Variants in GMDS observed in about 807,000 individuals in gnomAD.
GMDS encodes the protein GDP-mannose 4,6 dehydratase.
A neutral mutation model predicts 49.9 loss-of-function variants in GMDS; 20 were observed. That is an observed-to-expected ratio of 0.40 (90% CI 0.28 to 0.58). GMDS has a LOEUF of 0.58. GMDS is among the 20% of genes least tolerant of loss of function. The probability of loss-of-function intolerance (pLI) is 0.42; values close to 1 mark genes in which losing one functional copy is unlikely to be tolerated. For missense variants in GMDS, 362 were observed against 481.4 expected, an observed-to-expected ratio of 0.75 and a Z score of 2.32; for synonymous variants, 177 against 178.6, an observed-to-expected ratio of 0.99 and a Z score of 0.07.
intron 1 of GMDS, among the ~76,000 whole-genome samples, chr6:2,229,022 G>A (rs1004968350): frequency 6.6e-6 from 1 of 152,160 alleles, no homozygotes; most frequent in African/African-American, 2.4e-5. Context: ...GGAAAAGCAA[G>A]AGTCCCTGAA....
At position 1,635,103 on chromosome 6, in the gene GMDS, A is replaced by T. The variant is rs1427471389; in HGVS notation, c.988-10563T>A. 4.6e-5 allele frequency among the ~76,000 whole-genome samples: 7 copies of T among 152,232 alleles called. No individual in the cohort carries two copies. Among genetic ancestry groups the T allele is most frequent in the Admixed American group, 1.3e-4 (2 of 15,282 alleles). On this transcript the variant is annotated intron_variant, in intron 9 of 10. Coordinates refer to ENST00000380815, the MANE Select transcript of GMDS (RefSeq NM_001500.4). This position sits in a 1 kb window ranked among gnomAD's most constrained non-coding sequence, Gnocchi z 4.7. ...TCTCCTTTTTCACGATTTCAAGATTAGAGAACAGGGACTCTTCCAAAAGAT... is the reference window on the plus strand; with the variant it reads ...TCTCCTTTTTCACGATTTCAAGATTTGAGAACAGGGACTCTTCCAAAAGAT...
rs74354382 is a variant in GMDS, at chr6:2,179,611, T to C, written c.103-54880A>G. Among the ~76,000 whole-genome samples the C allele has an allele frequency of 4.8e-3, 726 of 152,332 alleles. 5 individuals carry two copies. Among genetic ancestry groups the C allele is most frequent in the African/African-American group, 0.017 (707 of 41,578 alleles). ...CAGCCCTCACCAGACACCAATCCTG[T>C]AGTGCCTTGATCAGACTTCTCAGCC... On this transcript the variant is annotated intron_variant, in intron 1 of 10. Coordinates refer to ENST00000380815, the MANE Select transcript of GMDS (RefSeq NM_001500.4).
At chr6:1,882,303 T>G (rs776040252) in intron 7 of GMDS, among the ~76,000 whole-genome samples, 33 of 152,220 alleles carry the variant, frequency 2.2e-4, no homozygotes, top group Admixed American at 1.6e-3. Flanking sequence ...AATTGGCTTT[T>G]TAAAATGGAT....
chr6:2,013,815 C>T (rs551602305), intron 4 of GMDS, among the ~76,000 whole-genome samples: 23 of 118,840 alleles, frequency 1.9e-4, no homozygotes, highest in African/African-American at 7.0e-4. Context: ...AATGAGAATG[C>T]CAGAAAAAGA....
intron 7 of GMDS, among the ~76,000 whole-genome samples, chr6:1,829,154 C>T (rs994555105): frequency 9.2e-5 from 14 of 152,054 alleles, no homozygotes; most frequent in Admixed American, 3.3e-4. Flanking sequence ...GGGGAGGGGT[C>T]GGTCTTGATG....
chr6:2,158,978 T>C (rs1315828215), intron 1 of GMDS, among the ~76,000 whole-genome samples: 1 of 152,070 alleles, frequency 6.6e-6, no homozygotes, highest in Non-Finnish European at 1.5e-5. Context: ...GAACATTAGG[T>C]TGGGGTTTAG....
At chr6:1,882,806 T>C (rs376592376) in intron 7 of GMDS, among the ~76,000 whole-genome samples, 1 of 152,210 alleles carries the variant, frequency 6.6e-6, no homozygotes, top group African/African-American at 2.4e-5. Flanking sequence ...CAACATGACA[T>C]AATAGAAAAC....
chr6:1,758,270 A>G (rs1166991233), intron 7 of GMDS, among the ~76,000 whole-genome samples: 3 of 152,182 alleles, frequency 2.0e-5, no homozygotes. Flanking sequence ...CATTATCTCC[A>G]CCTCCTGACT....
chr6:2,177,478 CA>C (rs1581754371), intron 1 of GMDS, among the ~76,000 whole-genome samples: 1 of 152,106 alleles, frequency 6.6e-6, no homozygotes, highest in East Asian at 1.9e-4. Flanking sequence ...AGCAGCACAT[CA>C]AAAAGTTTAT....
intron 1 of GMDS, among the ~76,000 whole-genome samples, chr6:2,131,847 A>C (rs762903428): frequency 8.4e-5 from 11 of 130,468 alleles, no homozygotes; most frequent in Non-Finnish European, 1.7e-4. Flanking sequence ...TTGAACCTCT[A>C]TTTTCCTCTC....
At position 1,875,958 on chromosome 6, in the gene GMDS, C is replaced by T. The variant is rs537155131; in HGVS notation, c.771+54145G>A. Among the ~76,000 whole-genome samples, 37 of 148,890 alleles carry T rather than the reference C, an allele frequency of 2.5e-4. 2 individuals carry two copies. The highest frequency in any genetic ancestry group is 1.0e-3 in the South Asian group (5 of 4,778). On this transcript the variant is annotated intron_variant, in intron 7 of 10. Coordinates refer to ENST00000380815, the MANE Select transcript of GMDS (RefSeq NM_001500.4). ...CCTTGAACCCAGAAGGCAGAGGTTG[C>T]GGTGAGCCGAGATCGTGCCATTGCA...
At chr6:1,921,566 C>A (rs1165930768) in intron 7 of GMDS, among the ~76,000 whole-genome samples, 1 of 152,126 alleles carries the variant, frequency 6.6e-6, no homozygotes, top group Non-Finnish European at 1.5e-5. Flanking sequence ...AAATGGCAAG[C>A]TGAATTTGTT....
chr6:1,736,038 A>T (rs1235587507), intron 8 of GMDS, among the ~76,000 whole-genome samples: 1 of 152,134 alleles, frequency 6.6e-6, no homozygotes, highest in African/African-American at 2.4e-5. Context: ...TATTTTGAGG[A>T]TCTAACAGAC....
chr6:2,226,048 T>G (rs898653590), intron 1 of GMDS, among the ~76,000 whole-genome samples: 19 of 151,158 alleles, frequency 1.3e-4, no homozygotes, highest in African/African-American at 4.4e-4. Context: ...GAAAAAACTG[T>G]GAAAAGAAAG....
intron 4 of GMDS, among the ~76,000 whole-genome samples, chr6:1,996,319 T>G (rs1766278206): frequency 6.6e-6 from 1 of 152,110 alleles, no homozygotes; most frequent in South Asian, 2.1e-4. Flanking sequence ...ATCTTCTGGG[T>G]AGTGTACCTT....
At chr6:2,065,923 C>T (rs1459805028) in intron 4 of GMDS, among the ~76,000 whole-genome samples, 5 of 152,210 alleles carry the variant, frequency 3.3e-5, no homozygotes, top group Non-Finnish European at 2.9e-5. Flanking sequence ...ACAGAGAATG[C>T]CACAAAGATA....
chr6:2,070,169 C>G (rs1771897915), intron 4 of GMDS, among the ~76,000 whole-genome samples: 1 of 149,186 alleles, frequency 6.7e-6, no homozygotes, highest in South Asian at 2.1e-4. Context: ...ATCGCAAGAA[C>G]AAAAAACAAA....
chr6:1,892,090 A>T lies in GMDS; in HGVS notation c.771+38013T>A, dbSNP rs933400071. Among the ~76,000 whole-genome samples, 6 of 152,142 alleles carry T rather than the reference A, an allele frequency of 3.9e-5. 1 individual carries two copies. The highest frequency in any genetic ancestry group is 2.6e-4 in the Admixed American group (4 of 15,278). ...ATACTTGCTTATTTTTATACCACAA[A>T]TCCCACATAACAGAAACAACATAGT... On this transcript the variant is annotated intron_variant, in intron 7 of 10. Coordinates refer to ENST00000380815, the MANE Select transcript of GMDS (RefSeq NM_001500.4).
chr6:1,967,369 T>C (rs1462124513), intron 4 of GMDS, among the ~76,000 whole-genome samples: 1 of 152,098 alleles, frequency 6.6e-6, no homozygotes, highest in East Asian at 1.9e-4. Context: ...GTGAGTAAAC[T>C]AATGAGAAAT....
Sources: gnomAD v4.1 joint callset for allele counts (sites outside exome capture counted in the v4.1 genomes callset) on GRCh38, gnomAD v4.1.1 for gene constraint, Gnocchi (gnomAD v3.1) non-coding constraint, MANE v1.5 for transcripts, NCBI Gene and HGNC (gene_info 2026-07-23, HGNC 2026-07-21) for gene names.